Variants in FREM1 observed in about 807,000 individuals in gnomAD.
The protein encoded by FREM1 is FRAS1 related extracellular matrix 1.
A neutral mutation model predicts 210.1 loss-of-function variants in FREM1; 220 were observed. The ratio of observed to expected loss-of-function variants is 1.05; its 90% CI spans 0.94 to 1.17. FREM1 has a LOEUF of 1.17. FREM1 is among the 50% of genes most tolerant of loss of function. FREM1 has a pLI of 0.00. For synonymous variants in FREM1, 1,189 were observed against 980.2 expected, an observed-to-expected ratio of 1.21 and a Z score of -3.98; for missense variants, 3,454 against 2,675.5, an observed-to-expected ratio of 1.29 and a Z score of -6.42.
intron 35 of FREM1, among the ~76,000 whole-genome samples, chr9:14,743,901 A>G (rs765128186): frequency 3.3e-5 from 5 of 152,080 alleles, no homozygotes; most frequent in Non-Finnish European, 7.4e-5. Flanking sequence ...CAATACCACT[A>G]CTTCTACTGG....
At chr9:14,890,099 C>A (rs893278141) in intron 1 of FREM1, among the ~76,000 whole-genome samples, 2 of 152,186 alleles carry the variant, frequency 1.3e-5, no homozygotes, top group Non-Finnish European at 2.9e-5. Flanking sequence ...GGTACTGTAA[C>A]CTGCTGTTCA....
intron 1 of FREM1, among the ~76,000 whole-genome samples, chr9:14,883,134 A>C (rs1162277736): frequency 6.6e-6 from 1 of 152,146 alleles, no homozygotes; most frequent in African/African-American, 2.4e-5. Flanking sequence ...AATTAGGTTC[A>C]ATAAATGTCA....
At chr9:14,817,341 C>T (rs1588149474) in intron 14 of FREM1, among the ~76,000 whole-genome samples, 1 of 152,194 alleles carries the variant, frequency 6.6e-6, no homozygotes, top group Non-Finnish European at 1.5e-5. Context: ...TCTCTAAAAC[C>T]TTGATCAATG....
At chr9:14,825,545 G>GTGTGTGTGTA (rs1378504451) in intron 10 of FREM1, among the ~76,000 whole-genome samples, 3 of 15,512 alleles carry the variant, frequency 1.9e-4, no homozygotes, top group East Asian at 3.8e-3. Flanking sequence ...ATGTGTGTGT[G>GTGTGTGTGTA]TGTATATATA....
At chr9:14,823,082 G>C (rs1316999475) in intron 13 of FREM1, 78 bp downstream of exon 13, 1 of 1,104,838 alleles carries the variant, frequency 9.1e-7, no homozygotes, top group African/African-American at 1.6e-5. Context: ...CTAAAGGAAA[G>C]TTACCATTTC....
In FREM1 at chr9:14,812,830, C is replaced by A; in HGVS notation, c.2875G>T (p.Val959Leu). ...TGCTTACCTGTGTGTTTGTATGTCA[C>A]GGCCTCTGAGATAACATCTCTCTGA... Reference protein sequence around the residue: ...FSQRDVISEAVTYKHTGGEIG... With the variant: ...FSQRDVISEALTYKHTGGEIG... Residue 959 changes from valine (V) to leucine (L), a missense_variant, in exon 16 of 37, where the codon GTG (valine) becomes TTG (leucine). Physicochemically the swap from Val to Leu is conservative, Grantham distance 32 (BLOSUM62 1). Coordinates refer to ENST00000380880, the MANE Select transcript of FREM1 (RefSeq NM_001379081.2). The A allele has an allele frequency of 6.2e-7, 1 of 1,610,966 alleles. No individual in the cohort carries two copies. Among genetic ancestry groups the A allele is most frequent in the East Asian group, 2.2e-5 (1 of 44,854 alleles).
At chr9:14,825,547 GTA>G (rs372128983) in intron 10 of FREM1, among the ~76,000 whole-genome samples, 11,966 of 76,010 alleles carry the variant, frequency 0.16, 1,283 homozygotes, top group East Asian at 0.52. Context: ...GTGTGTGTGT[GTA>G]TATATATATA....
chr9:14,784,513 G>A lies in FREM1; in HGVS notation c.4299C>T (p.Ile1433=), dbSNP rs1850109713. Residue 1433 remains isoleucine, a synonymous_variant, in exon 24 of 37, where the codon ATC becomes ATT. Transcript: ENST00000380880. ...TDKPEELLYV[I]TSPPRYGQIE... is the part of the protein sequence containing the mutation. ...TCTGGCCATATCGCGGAGGGGAGGT[G>A]ATGACATAGAGCAGTTCCTCAGGCT... 2 of 1,613,722 alleles carry A rather than the reference G, an allele frequency of 1.2e-6. No homozygotes were observed. Among genetic ancestry groups the A allele is most frequent in the African/African-American group, 1.3e-5 (1 of 74,910 alleles).
intron 5 of FREM1, among the ~76,000 whole-genome samples, chr9:14,851,908 G>A (rs1231302183): frequency 2.6e-5 from 4 of 152,128 alleles, no homozygotes; most frequent in Middle Eastern, 3.2e-3. Flanking sequence ...GGCATCAGAA[G>A]GAACTGTGTT....
chr9:14,821,885 A>G (rs1187664769), intron 13 of FREM1, among the ~76,000 whole-genome samples: 4 of 152,164 alleles, frequency 2.6e-5, no homozygotes, highest in Non-Finnish European at 1.5e-5. Context: ...AATGTTGGCA[A>G]TTCATTATTT....
At chr9:14,847,314 T>G (rs1485471410) in intron 7 of FREM1, among the ~76,000 whole-genome samples, 1 of 151,664 alleles carries the variant, frequency 6.6e-6, no homozygotes, top group African/African-American at 2.4e-5. Flanking sequence ...GCTTTTAGTA[T>G]AGGGTTAGTA....
At chr9:14,823,030 C>T (rs1354312401) in intron 13 of FREM1, 130 bp downstream of exon 13, 5 of 575,892 alleles carry the variant, frequency 8.7e-6, no homozygotes, top group Non-Finnish European at 1.4e-5. Flanking sequence ...TTTTTTACTA[C>T]ACCATAGATG....
chr9:14,780,651 C>G (rs1373120602), intron 24 of FREM1, among the ~76,000 whole-genome samples: 3 of 152,042 alleles, frequency 2.0e-5, no homozygotes, highest in Non-Finnish European at 4.4e-5. Flanking sequence ...TAAAATCTGA[C>G]TATTAAACTC....
At chr9:14,805,752 T>G (rs1818233845) in intron 18 of FREM1, among the ~76,000 whole-genome samples, 2 of 152,258 alleles carry the variant, frequency 1.3e-5, no homozygotes, top group African/African-American at 4.8e-5. Context: ...ATATTTAAAA[T>G]GGACATTCTT....
chr9:14,784,540 G>A lies in FREM1; in HGVS notation c.4272C>T (p.Asp1424=), dbSNP rs1850114433. The change falls in exon 24 of 37, where the codon GAC becomes GAT. Residue 1424 remains aspartate (D), a synonymous_variant. Coordinates refer to ENST00000380880, the MANE Select transcript of FREM1 (RefSeq NM_001379081.2). ...TGACATAGAGCAGTTCCTCAGGCTT[G>A]TCTGTTCCGTCCACAGCCAGGAGCG... The part of the protein sequence containing the change: ...TTTLLAVDGT[D]KPEELLYVIT... The A allele has an allele frequency of 6.2e-7, 1 of 1,613,520 alleles. No individual in the cohort carries two copies. Among genetic ancestry groups the A allele is most frequent in the African/African-American group, 1.3e-5 (1 of 74,902 alleles).
chr9:14,783,464 G>A (rs1303143084), intron 24 of FREM1, among the ~76,000 whole-genome samples: 2 of 152,180 alleles, frequency 1.3e-5, no homozygotes, highest in Non-Finnish European at 2.9e-5. Flanking sequence ...GTGTACAATA[G>A]ACAAACCAGT....
chr9:14,769,376 C>T (rs977296580), intron 27 of FREM1, among the ~76,000 whole-genome samples: 1 of 152,160 alleles, frequency 6.6e-6, no homozygotes, highest in Non-Finnish European at 1.5e-5. Flanking sequence ...CCTAGAGTGA[C>T]CTCTTGCTGC....
intron 30 of FREM1, among the ~76,000 whole-genome samples, chr9:14,749,737 C>T (rs1003950342): frequency 2.0e-5 from 3 of 152,156 alleles, no homozygotes; most frequent in African/African-American, 4.8e-5. Flanking sequence ...TAGAATTTTC[C>T]TGGTCACACT....
intron 27 of FREM1, among the ~76,000 whole-genome samples, chr9:14,766,464 C>T (rs768900174): frequency 6.6e-6 from 1 of 152,140 alleles, no homozygotes; most frequent in East Asian, 1.9e-4. Flanking sequence ...CCAATCCACA[C>T]GCACATCTCG....
Sources: gnomAD v4.1 joint callset for allele counts (sites outside exome capture counted in the v4.1 genomes callset) on GRCh38, gnomAD v4.1.1 for gene constraint, MANE v1.5 for transcripts, NCBI Gene and HGNC (gene_info 2026-07-23, HGNC 2026-07-21) for gene names.